Variants in LRRC9 observed in about 807,000 individuals in gnomAD.
The protein encoded by LRRC9 is leucine-rich repeat-containing protein 9.
In LRRC9, 122 loss-of-function variants were observed where a neutral mutation model predicts 63.2. The observed-to-expected ratio is 1.93, with a 90% confidence interval of 1.67 to 2.24. The LOEUF is 2.24. Ranked by LOEUF, LRRC9 falls within the 30% of genes most tolerant of loss-of-function variation. The pLI is 0.00. For synonymous variants in LRRC9, 366 were observed against 213.1 expected (o/e 1.72, Z -6.25); for missense variants, 1,071 against 627.7 (o/e 1.71, Z -7.55).
chr14:59,941,134 T>A (rs1881717350), intron 7 of LRRC9, among the ~76,000 whole-genome samples: 1 of 151,872 alleles, frequency 6.6e-6, no homozygotes, highest in African/African-American at 2.4e-5. Flanking sequence ...TTTGAAAAAG[T>A]TTAGAAATAG....
At chr14:59,944,607 A>G in exon 8 of LRRC9, 1 of 578,414 alleles carries the variant, frequency 1.7e-6, no homozygotes, top group Non-Finnish European at 3.0e-6. Context: ...AATGAAAAAA[A>G]TAATGTATTA....
At chr14:60,009,581 C>A (rs1890093335) in intron 23 of LRRC9, among the ~76,000 whole-genome samples, 1 of 152,162 alleles carries the variant, frequency 6.6e-6, no homozygotes, top group Admixed American at 6.5e-5. Context: ...ATCATTCCAA[C>A]CCTGGCCCTT....
At chr14:59,984,785 C>A (rs1887283777) in intron 16 of LRRC9, among the ~76,000 whole-genome samples, 1 of 149,538 alleles carries the variant, frequency 6.7e-6, no homozygotes, top group African/African-American at 2.5e-5. Flanking sequence ...ACAGATCTAC[C>A]CTAATAAGTA....
chr14:60,016,966 C>T (rs763476001), intron 24 of LRRC9, among the ~76,000 whole-genome samples, 176 bp downstream of exon 24: 2 of 151,870 alleles, frequency 1.3e-5, no homozygotes, highest in Non-Finnish European at 2.9e-5. Context: ...GATGGGGTCT[C>T]AAAAAATGGC....
chr14:60,016,959 G>A (rs1278224896), intron 24 of LRRC9, among the ~76,000 whole-genome samples, 169 bp downstream of exon 24: 1 of 151,660 alleles, frequency 6.6e-6, no homozygotes, highest in Non-Finnish European at 1.5e-5. Context: ...TTTTTGAGAT[G>A]GGGTCTCAAA....
exon 32 of LRRC9, chr14:60,063,433 G>T: frequency 1.5e-6 from 1 of 652,386 alleles, no homozygotes; most frequent in Non-Finnish European, 2.7e-6. Flanking sequence ...CTAGCGGACA[G>T]TGGTCAGTTA....
At chr14:60,041,230 ATG>A (rs1347274673) in intron 29 of LRRC9, among the ~76,000 whole-genome samples, 2 of 151,912 alleles carry the variant, frequency 1.3e-5, no homozygotes, top group South Asian at 2.1e-4. Context: ...TCTGACAATT[ATG>A]TGTCTTTGAG....
intron 23 of LRRC9, among the ~76,000 whole-genome samples, chr14:60,008,843 T>C (rs926885615): frequency 6.6e-6 from 1 of 152,162 alleles, no homozygotes; most frequent in African/African-American, 2.4e-5. Flanking sequence ...TCAAATTTTC[T>C]AGAAAATTGA....
chr14:60,009,494 C>T (rs1890084867), intron 23 of LRRC9, among the ~76,000 whole-genome samples: 1 of 152,206 alleles, frequency 6.6e-6, no homozygotes, highest in Non-Finnish European at 1.5e-5. Flanking sequence ...CAATTACCTG[C>T]CACTGGGTCC....
chr14:60,023,515 T>A (rs1161722517), intron 27 of LRRC9, among the ~76,000 whole-genome samples: 1 of 135,558 alleles, frequency 7.4e-6, no homozygotes, highest in Non-Finnish European at 1.6e-5. Flanking sequence ...AACAACCTGA[T>A]GAGAACAAAG....
intron 16 of LRRC9, 63 bp from the exon 17 acceptor site, chr14:59,985,042 A>T: frequency 2.0e-6 from 1 of 499,308 alleles, no homozygotes; most frequent in Non-Finnish European, 3.6e-6. Flanking sequence ...ACATATCCAC[A>T]CTTCAGTTTG....
At chr14:60,063,369 A>G in exon 32 of LRRC9, 5 of 702,064 alleles carry the variant, frequency 7.1e-6, no homozygotes, top group Non-Finnish European at 7.8e-6. Context: ...GTAACTGCCT[A>G]AAGAGAAATG....
intron 12 of LRRC9, among the ~76,000 whole-genome samples, chr14:59,970,552 T>G (rs921991463): frequency 6.6e-6 from 1 of 152,210 alleles, no homozygotes. Context: ...CCATCAACAG[T>G]GTATAAGCAT....
In LRRC9 at chr14:59,959,824, C is replaced by G. The variant is rs759030067; in HGVS notation, c.889C>G (p.Arg297Gly). The G allele has an allele frequency of 6.5e-6, 4 of 616,052 alleles. No individual in the cohort carries two copies. In the South Asian group the frequency reaches 7.5e-5, roughly 12 times the overall value. The allele number at this position is 616,052 out of a possible 1,614,324, so 38.2% of individuals were successfully genotyped here. ...GACACATTGTTTTCCACAGTTGGAA[C>G]GAGAACTGGCTGAACTCAAGGGCTC... The change falls in exon 9 of 32, where the codon CGA (arginine) becomes GGA (glycine). Residue 297 changes from arginine to glycine, a missense_variant. Physicochemically the swap from Arg to Gly is moderately radical, Grantham distance 125 (BLOSUM62 -2). Transcript: ENST00000445360.
At chr14:60,025,308 C>A (rs991540592) in intron 27 of LRRC9, among the ~76,000 whole-genome samples, 1 of 151,372 alleles carries the variant, frequency 6.6e-6, no homozygotes. Context: ...CAATTTGTTA[C>A]CCAGGCTGGT....
intron 12 of LRRC9, among the ~76,000 whole-genome samples, chr14:59,973,004 AG>A (rs1480487260): frequency 5.3e-5 from 8 of 152,110 alleles, no homozygotes; most frequent in African/African-American, 1.9e-4. Flanking sequence ...CTAGTTCTTA[AG>A]AGCAGGATCT....
At chr14:59,948,376 T>G (rs1882701911) in intron 8 of LRRC9, among the ~76,000 whole-genome samples, 1 of 143,424 alleles carries the variant, frequency 7.0e-6, no homozygotes, top group African/African-American at 2.7e-5. Context: ...GAGACTTTGC[T>G]GAAGTTGCTT....
At chr14:60,045,400 C>T (rs1335177760) in intron 29 of LRRC9, among the ~76,000 whole-genome samples, 1 of 152,146 alleles carries the variant, frequency 6.6e-6, no homozygotes, top group Non-Finnish European at 1.5e-5. Context: ...CATCTATTAG[C>T]TATTCTTCCT....
rs756623579 is a variant in LRRC9 at position 60,006,629 on chromosome 14, G to A, written c.3063+12G>A. On this transcript the variant is annotated intron_variant, in intron 22 of 31. Coordinates refer to ENST00000445360, the Ensembl canonical transcript of LRRC9. ...TGCACAATTTAAAGGTAATCATCTG[G>A]GTAGTAATTTTTTTGTTTTTTAACA... The A allele has an allele frequency of 6.9e-6, 4 of 581,526 alleles. No individual in the cohort carries two copies. In the South Asian group the frequency reaches 8.6e-5, roughly 12 times the overall value. 36.0% of individuals were successfully genotyped at this position (581,526 alleles called of 1,614,324 possible).
Sources: gnomAD v4.1 joint callset for allele counts (sites outside exome capture counted in the v4.1 genomes callset) on GRCh38, gnomAD v4.1.1 for gene constraint, MANE v1.5 for transcripts, NCBI Gene and HGNC (gene_info 2026-07-23, HGNC 2026-07-21) for gene names.